NEB: variants seen among roughly 807,000 people sequenced by gnomAD.
NEB encodes nebulin, also known as nemaline myopathy type 2.
In NEB, 512 loss-of-function variants were observed where a neutral mutation model predicts 952.2. The observed-to-expected ratio is 0.54, with a 90% CI of 0.50 to 0.58. NEB has a LOEUF of 0.58. Ranked by LOEUF, NEB falls within the 20% of genes least tolerant of loss-of-function variation. The pLI, the probability that NEB is intolerant of heterozygous loss-of-function variation, is 0.00. For synonymous variants in NEB, 2,900 were observed against 3,149.8 expected (o/e 0.92, Z 2.66); for missense variants, 8,428 against 9,231.1 (o/e 0.91, Z 3.56).
rs779762439 is a variant in NEB, at chr2:151,666,187, G to T, written c.4934C>A (p.Thr1645Asn). The T allele has an allele frequency of 5.0e-6, 8 of 1,613,846 alleles. No homozygotes were observed. Among genetic ancestry groups the T allele is most frequent in the African/African-American group, 1.3e-5 (1 of 74,930 alleles). ...TAAKKSQEVA[T>N]NANYRQSYHH... ...GTATGACTGTCTGTAGTTGGCGTTG[G>T]TGGCAACCTCCTGAGATTTCTTTGC... The change falls in exon 41 of 182, where the codon ACC becomes AAC. Residue 1645 changes from threonine to asparagine, a missense_variant. Physicochemically the swap from Thr to Asn is moderately conservative, Grantham distance 65 (BLOSUM62 0). Transcript: ENST00000397345.
chr2:151,496,223 T>TAAAA (rs964979827), intron 173 of NEB, 53 bp downstream of exon 173: 1 of 1,461,548 alleles, frequency 6.8e-7, no homozygotes, highest in African/African-American at 1.4e-5. Context: ...TTTTAAATCA[T>TAAAA]AAAAGTAGTT....
chr2:151,719,863 G>A (rs1003098850), intron 9 of NEB, among the ~76,000 whole-genome samples: 1 of 143,812 alleles, frequency 7.0e-6, no homozygotes, highest in Admixed American at 7.1e-5. Flanking sequence ...CTCCAGCCTG[G>A]GTGAGAGAGT....
chr2:151,710,764 C>T (rs1008110174), intron 10 of NEB, among the ~76,000 whole-genome samples: 6 of 152,150 alleles, frequency 3.9e-5, no homozygotes, highest in African/African-American at 1.4e-4. Flanking sequence ...AACGCCCCCT[C>T]CCCTTGCTGA....
In NEB at chr2:151,576,201, C is replaced by A; in HGVS notation, c.16858G>T (p.Asp5620Tyr). Residue 5620 changes from aspartate (D) to tyrosine (Y), a missense_variant, in exon 106 of 182, where the codon GAC becomes TAC. Asp to Tyr is a radical substitution (Grantham distance 160). Transcript: ENST00000397345. ...VVNLKYTSIVDTPEVVLAKSN... is the reference protein window; with the variant it reads ...VVNLKYTSIVYTPEVVLAKSN... Reference sequence around the variant, plus strand: ...TTAGCAAGGACCACTTCAGGTGTGTCAACAATGCTTGTGTACTTAAGGTTC... The same window carrying A: ...TTAGCAAGGACCACTTCAGGTGTGTAAACAATGCTTGTGTACTTAAGGTTC... 1 of 1,610,762 alleles carries A rather than the reference C, an allele frequency of 6.2e-7. No homozygotes were observed. Among genetic ancestry groups the A allele is most frequent in the South Asian group, 1.1e-5 (1 of 90,724 alleles).
chr2:151,583,094 ATCTC>A (rs1235369281), intron 101 of NEB, among the ~76,000 whole-genome samples: 2 of 114,062 alleles, frequency 1.8e-5, no homozygotes, highest in African/African-American at 5.6e-5. Context: ...CCTGCCCCCC[ATCTC>A]TCTCTCTTTC....
intron 36 of NEB, 45 bp from the exon 37 acceptor site, chr2:151,672,725 C>A: frequency 6.8e-7 from 1 of 1,475,066 alleles, no homozygotes; most frequent in Non-Finnish European, 9.3e-7. Context: ...GCATTGATAG[C>A]ATTAGCGCTG....
intron 13 of NEB, 34 bp downstream of exon 13, chr2:151,706,847 A>G: frequency 1.4e-6 from 2 of 1,459,478 alleles, no homozygotes; most frequent in Middle Eastern, 1.7e-4. Context: ...TTTGCAGCTA[A>G]GGTTTAAAAA....
Position 151,553,593 on chromosome 2 carries a change from G to A in NEB, c.19627-91C>T. The stretch of plus-strand genomic sequence containing the variant: ...CAGAGGTACATTCTAGACTCAGAAG[G>A]CTTTGTGGAATGAGGAGCAAAGGCA... On this transcript the variant is annotated intron_variant, in intron 126 of 181. Transcript: ENST00000397345. 4 of 1,003,462 alleles carry A rather than the reference G, an allele frequency of 4.0e-6. No homozygotes were observed. In the South Asian group the frequency reaches 5.8e-5, roughly 14 times the overall value. The allele number at this position is 1,003,462 out of a possible 1,614,324, so 62.2% of individuals were successfully genotyped here.
intron 73 of NEB, 55 bp downstream of exon 73, chr2:151,619,396 C>T (rs58135483): frequency 0.038 from 56,666 of 1,505,540 alleles, 3,099 homozygotes; most frequent in African/African-American, 0.2. Flanking sequence ...TCAGAACTCA[C>T]AGACACGTTT....
chr2:151,693,717 T>C lies in NEB; in HGVS notation c.1896+606A>G, dbSNP rs934717114. 3.2e-4 allele frequency among the ~76,000 whole-genome samples: 48 copies of C among 152,320 alleles called. 1 individual carries two copies. The highest frequency in any genetic ancestry group is 4.1e-4 in the South Asian group (2 of 4,826). ...TGAATAGTGCTGCAATGAATATATGTGTTCATATATATTTATAATAGAATG... is the reference window on the plus strand; with the variant it reads ...TGAATAGTGCTGCAATGAATATATGCGTTCATATATATTTATAATAGAATG... On this transcript the variant is annotated intron_variant, in intron 20 of 181. Coordinates refer to ENST00000397345, the MANE Select transcript of NEB (RefSeq NM_001164508.2).
rs755311694 is a variant in NEB, at chr2:151,524,529, T to C, written c.22360A>G (p.Lys7454Glu). The C allele has an allele frequency of 1.2e-6, 2 of 1,614,016 alleles. No homozygotes were observed. The highest frequency in any genetic ancestry group is 3.3e-5 in the Admixed American group (2 of 60,022). ...GACACCCTTACCTCACTGGCCTGTTTGGCTGCCTGTGTGGCCTTCTTGATG... is the reference window on the plus strand; with the variant it reads ...GACACCCTTACCTCACTGGCCTGTTCGGCTGCCTGTGTGGCCTTCTTGATG... ...PDIKKATQAAKQASEVEYRAK... is the reference protein window; with the variant it reads ...PDIKKATQAAEQASEVEYRAK... Residue 7454 changes from lysine (K) to glutamate (E), a missense_variant, in exon 152 of 182, where the codon AAA becomes GAA. Lys to Glu is a moderately conservative substitution (Grantham distance 56). This residue lies in a region of NEB where 3,374 missense variants were observed against 3,651.5 expected (regional missense o/e 0.92). Transcript: ENST00000397345.
chr2:151,628,383 T>A (rs1183142464), intron 68 of NEB, among the ~76,000 whole-genome samples: 1 of 152,172 alleles, frequency 6.6e-6, no homozygotes, highest in African/African-American at 2.4e-5. Flanking sequence ...CCTGCTCTGT[T>A]GGAGATCAAA....
chr2:151,699,891 G>T (rs1285004892), intron 13 of NEB, among the ~76,000 whole-genome samples: 1 of 151,448 alleles, frequency 6.6e-6, no homozygotes, highest in African/African-American at 2.4e-5. Context: ...GTCAATTTTG[G>T]CTTTTGTTGC....
chr2:151,623,114 G>T (rs1479351400), intron 71 of NEB, among the ~76,000 whole-genome samples: 2 of 152,146 alleles, frequency 1.3e-5, no homozygotes, highest in East Asian at 1.9e-4. Context: ...CCTCAAGGAT[G>T]GTAGGTAGCT....
At chr2:151,517,390 C>T (rs2078346352) in intron 156 of NEB, among the ~76,000 whole-genome samples, 1 of 152,186 alleles carries the variant, frequency 6.6e-6, no homozygotes, top group Non-Finnish European at 1.5e-5. Context: ...ACAGAAGACA[C>T]GAGGACGTTT....
intron 47 of NEB, among the ~76,000 whole-genome samples, chr2:151,658,836 CT>C (rs888333834): frequency 1.8e-4 from 27 of 152,130 alleles, no homozygotes; most frequent in Non-Finnish European, 3.2e-4. Flanking sequence ...GAGTGCCCCC[CT>C]AGAACAAAAT....
At chr2:151,680,920 G>A (rs2099409565) in intron 29 of NEB, 92 bp from the exon 30 acceptor site, 1 of 1,057,626 alleles carries the variant, frequency 9.5e-7, no homozygotes, top group Non-Finnish European at 1.5e-6. Context: ...AAGCGAAAAG[G>A]AAGAGTTTTT....
chr2:151,497,135 G>A (rs2060768878), intron 171 of NEB, 102 bp from the exon 172 acceptor site: 3 of 1,397,546 alleles, frequency 2.1e-6, no homozygotes, highest in Non-Finnish European at 2.9e-6. Context: ...ACAAAACACA[G>A]TTGTCCAAGG....
chr2:151,534,248 C>T, intron 142 of NEB: 2 of 1,613,680 alleles, frequency 1.2e-6, no homozygotes, highest in Non-Finnish European at 1.7e-6. Context: ...TCTTAGCCAG[C>T]AGATGTCTAG....
Sources: gnomAD v4.1 joint callset for allele counts (sites outside exome capture counted in the v4.1 genomes callset) on GRCh38, gnomAD v4.1.1 for gene constraint, gnomAD v4.1.1 regional missense constraint, MANE v1.5 for transcripts, NCBI Gene and HGNC (gene_info 2026-07-23, HGNC 2026-07-21) for gene names.